Variants in DEPDC5 observed in about 807,000 individuals in gnomAD.
DEPDC5 encodes the protein GATOR1 complex protein DEPDC5.
A neutral mutation model predicts 217.3 loss-of-function variants in DEPDC5; 73 were observed. That is an observed-to-expected ratio of 0.34 (90% CI 0.28 to 0.41). The LOEUF is 0.41. DEPDC5 is among the 10% of genes least tolerant of loss of function. The probability of loss-of-function intolerance (pLI) is 1.00; values close to 1 mark genes in which losing one functional copy is unlikely to be tolerated. For missense variants in DEPDC5, 1,675 were observed against 2,070.1 expected (o/e 0.81, Z 3.70); for synonymous variants, 733 against 756.7 (o/e 0.97, Z 0.51).
At position 31,856,773 on chromosome 22, in the gene DEPDC5, T is replaced by TTTTG. The variant is rs141442882; in HGVS notation, c.3156-644_3156-641dup. ...TTTTATGCTGCATGTTAATGCAGTT[T>TTTTG]TTTGTTTGTTTGTTTGTTTGTTTGT... On this transcript the variant is annotated intron_variant, in intron 31 of 42. Coordinates refer to ENST00000651528, the MANE Select transcript of DEPDC5 (RefSeq NM_001242896.3). Among the ~76,000 whole-genome samples, 202 of 151,990 alleles carry TTTTG rather than the reference T, an allele frequency of 1.3e-3. 1 individual carries two copies. The East Asian group carries it at 0.014, about 11-fold the overall frequency.
At chr22:31,762,386 G>A (rs1440753114) in intron 4 of DEPDC5, among the ~76,000 whole-genome samples, 1 of 152,136 alleles carries the variant, frequency 6.6e-6, no homozygotes, top group Non-Finnish European at 1.5e-5. Flanking sequence ...TGCTGTTCAA[G>A]GAACCAAAAT....
At chr22:31,806,570 T>G (rs561626935) in intron 18 of DEPDC5, among the ~76,000 whole-genome samples, 1 of 152,362 alleles carries the variant, frequency 6.6e-6, no homozygotes, top group South Asian at 2.1e-4. Flanking sequence ...TTTGTTTGTT[T>G]AAGAGTTCGT....
intron 38 of DEPDC5, among the ~76,000 whole-genome samples, chr22:31,889,028 A>C (rs1411331576): frequency 6.6e-6 from 1 of 152,080 alleles, no homozygotes; most frequent in Non-Finnish European, 1.5e-5. Context: ...GTACCTGGGC[A>C]CCTCTGATTG....
intron 1 of DEPDC5, 84 bp from the exon 2 acceptor site, chr22:31,754,778 A>G (rs1190276755): frequency 3.6e-6 from 3 of 842,098 alleles, no homozygotes; most frequent in Admixed American, 4.6e-5. Flanking sequence ...GAGGAACACC[A>G]GTATCTTCAC....
intron 41 of DEPDC5, among the ~76,000 whole-genome samples, chr22:31,905,068 T>C (rs2093732333): frequency 6.6e-6 from 1 of 152,050 alleles, no homozygotes. Context: ...AGAACTGTAA[T>C]AAATGTGCCT....
chr22:31,790,545 G>C (rs1439678758), intron 10 of DEPDC5, among the ~76,000 whole-genome samples: 1 of 152,130 alleles, frequency 6.6e-6, no homozygotes, highest in Non-Finnish European at 1.5e-5. Context: ...GACTAGTAGG[G>C]TGTGGGAGTG....
chr22:31,837,856 C>T (rs1470513757), intron 26 of DEPDC5, among the ~76,000 whole-genome samples: 1 of 152,104 alleles, frequency 6.6e-6, no homozygotes, highest in East Asian at 1.9e-4. Flanking sequence ...CGTGTGCCAC[C>T]ACACATGGCT....
At chr22:31,838,445 A>C (rs765535307) in intron 26 of DEPDC5, among the ~76,000 whole-genome samples, 1 of 152,080 alleles carries the variant, frequency 6.6e-6, no homozygotes, top group Non-Finnish European at 1.5e-5. Flanking sequence ...GGGTTTTGCC[A>C]TGTTGCCCAG....
intron 22 of DEPDC5, among the ~76,000 whole-genome samples, chr22:31,820,098 T>TA (rs1321557216): frequency 1.3e-5 from 2 of 151,494 alleles, no homozygotes; most frequent in African/African-American, 4.9e-5. Context: ...ACAAATGCAT[T>TA]AAACTCCAGG....
chr22:31,792,298 A>G (rs896847778), intron 11 of DEPDC5, among the ~76,000 whole-genome samples, 196 bp downstream of exon 11: 4 of 152,038 alleles, frequency 2.6e-5, no homozygotes, highest in African/African-American at 9.7e-5. Context: ...GATTCATCTT[A>G]AAACCAACTT....
chr22:31,771,884 A>G (rs2083399678), intron 7 of DEPDC5, among the ~76,000 whole-genome samples: 1 of 151,812 alleles, frequency 6.6e-6, no homozygotes, highest in African/African-American at 2.4e-5. Context: ...ACCTGGCAAT[A>G]TGCTGAAACC....
At chr22:31,801,934 G>A (rs2086906109) in intron 14 of DEPDC5, among the ~76,000 whole-genome samples, 1 of 151,462 alleles carries the variant, frequency 6.6e-6, no homozygotes, top group Admixed American at 6.6e-5. Flanking sequence ...AATAAAAAGT[G>A]ACTTGCCAGA....
intron 40 of DEPDC5, 55 bp from the exon 41 acceptor site, chr22:31,901,687 G>T (rs1569242215): frequency 6.7e-7 from 1 of 1,496,832 alleles, no homozygotes; most frequent in South Asian, 1.2e-5. Flanking sequence ...CTGGCCCAGA[G>T]AGAATTACAA....
chr22:31,761,899 C>G (rs1171889210), intron 4 of DEPDC5, among the ~76,000 whole-genome samples: 1 of 140,776 alleles, frequency 7.1e-6, no homozygotes, highest in Admixed American at 7.9e-5. Flanking sequence ...ACCCGGGAGG[C>G]GGAGGTTGCA....
chr22:31,794,188 T>G (rs947060932), intron 12 of DEPDC5, among the ~76,000 whole-genome samples: 5 of 152,192 alleles, frequency 3.3e-5, no homozygotes, highest in African/African-American at 1.2e-4. Flanking sequence ...AATTATTTGT[T>G]GATCTTTTGT....
At chr22:31,880,782 T>C (rs1441896784) in intron 38 of DEPDC5, among the ~76,000 whole-genome samples, 1 of 151,974 alleles carries the variant, frequency 6.6e-6, no homozygotes, top group Non-Finnish European at 1.5e-5. Flanking sequence ...CCCAGCACTT[T>C]GGGAGGCCGA....
At chr22:31,762,821 T>A (rs2082508555) in intron 4 of DEPDC5, among the ~76,000 whole-genome samples, 1 of 151,984 alleles carries the variant, frequency 6.6e-6, no homozygotes, top group South Asian at 2.1e-4. Context: ...TTCTTTTTTT[T>A]TAAAGAGATG....
Position 31,898,887 on chromosome 22 carries a change from T to C in DEPDC5, c.4375+1234T>C, listed in dbSNP as rs558137720. On this transcript the variant is annotated intron_variant, in intron 40 of 42. Coordinates refer to ENST00000651528, the MANE Select transcript of DEPDC5 (RefSeq NM_001242896.3). ...CCCTTGAAACACACATGTTCTTGTT[T>C]AACCTCACAGTGATGTGGCTGAGAG... is the stretch of plus-strand genomic sequence containing the variant. Among the ~76,000 whole-genome samples the C allele has an allele frequency of 2.0e-5, 3 of 152,350 alleles. No homozygotes were observed. The South Asian group carries it at 6.2e-4, about 32-fold the overall frequency.
intron 31 of DEPDC5, among the ~76,000 whole-genome samples, chr22:31,852,486 A>G (rs2092083612): frequency 6.6e-6 from 1 of 151,978 alleles, no homozygotes; most frequent in Non-Finnish European, 1.5e-5. Flanking sequence ...GATTACAGGC[A>G]TGCGCCACCA....
Sources: allele counts gnomAD v4.1 joint callset (sites outside exome capture counted in the v4.1 genomes callset), GRCh38; gene constraint gnomAD v4.1.1; transcripts MANE v1.5; gene names NCBI Gene and HGNC (gene_info 2026-07-23, HGNC 2026-07-21).